The following FRMPD4 variants were observed in gnomAD, a reference collection of about 807,000 sequenced individuals.
FRMPD4 encodes FERM and PDZ domain containing 4.
A neutral mutation model predicts 94.1 loss-of-function variants in FRMPD4; 22 were observed. That is an observed-to-expected ratio of 0.23 (90% confidence interval 0.17 to 0.33). The LOEUF is 0.33. Among genes scored for constraint, FRMPD4 ranks in the 10% least tolerant of loss-of-function variants. The pLI is 1.00. For synonymous variants in FRMPD4, 631 were observed against 548.6 expected (o/e 1.15, Z -2.10); for missense variants, 1,111 against 1,339.9 (o/e 0.83, Z 2.67).
chrX:12,412,869 A>G (rs1416476980), intron 1 of FRMPD4, among the ~76,000 whole-genome samples: 1 of 112,149 alleles, frequency 8.9e-6, no homozygotes, highest in African/African-American at 3.2e-5. Context: ...CAGCTTTTGT[A>G]TCGGGAACAT....
In FRMPD4 at chrX:12,481,966, A is replaced by G. The variant is rs868850470; in HGVS notation, c.42-16714A>G. Among the ~76,000 whole-genome samples the G allele has an allele frequency of 9.3e-3, 930 of 100,042 alleles. 8 individuals carry two copies. The highest frequency in any genetic ancestry group is 0.041 in the Middle Eastern group (8 of 193). The allele number at this position is 100,042 out of a possible 115,157, so 86.9% of individuals were successfully genotyped here. A position where few individuals can be genotyped will look rare whatever the true frequency, so the allele number is the denominator to read the frequency against. On this transcript the variant is annotated intron_variant, in intron 1 of 16. Transcript: ENST00000675598. ...TCAAAAAAAAAAAAAAAAAAAAAAAAAAAAAGAAAGTGTTATTGGATAATC... is the reference window on the plus strand; with the variant it reads ...TCAAAAAAAAAAAAAAAAAAAAAAAGAAAAAGAAAGTGTTATTGGATAATC...
chrX:12,461,960 G>A, intron 1 of FRMPD4, among the ~76,000 whole-genome samples: 1 of 111,663 alleles, frequency 9.0e-6, no homozygotes, highest in Non-Finnish European at 1.9e-5. Context: ...CAGCAACAGA[G>A]GTTTGTTTCT....
intron 1 of FRMPD4, among the ~76,000 whole-genome samples, chrX:12,437,823 C>T (rs2057087396): frequency 8.9e-6 from 1 of 111,935 alleles, no homozygotes; most frequent in South Asian, 3.7e-4. Flanking sequence ...AGTTTATAAA[C>T]GTTAGTCTAT....
chrX:12,679,839 A>G (rs1049567122), intron 5 of FRMPD4, among the ~76,000 whole-genome samples: 4 of 111,133 alleles, frequency 3.6e-5, no homozygotes, highest in Non-Finnish European at 7.5e-5. Flanking sequence ...CGAATGCTTT[A>G]CTGGTTTATT....
chrX:11,983,206 T>G (rs975394528), intron 3 of FRMPD4, among the ~76,000 whole-genome samples: 4 of 112,352 alleles, frequency 3.6e-5, no homozygotes, highest in Admixed American at 9.4e-5. Context: ...ATCCTCTATC[T>G]AACACTAAGG....
intron 1 of FRMPD4, among the ~76,000 whole-genome samples, chrX:12,474,438 G>A (rs2057564348): frequency 9.0e-6 from 1 of 111,409 alleles, no homozygotes; most frequent in Admixed American, 9.5e-5. Context: ...AAAGCTAGCA[G>A]AAGGCAAGAA....
chrX:12,531,552 A>G (rs765718401), intron 2 of FRMPD4, among the ~76,000 whole-genome samples: 1 of 111,631 alleles, frequency 9.0e-6, no homozygotes, highest in Admixed American at 9.5e-5. Context: ...TTGAGATTCC[A>G]CATTTCTAAT....
At chrX:12,100,171 T>G (rs2055242474) in intron 3 of FRMPD4, among the ~76,000 whole-genome samples, 2 of 112,303 alleles carry the variant, frequency 1.8e-5, no homozygotes, top group African/African-American at 6.5e-5. Flanking sequence ...TTGGTGGAAC[T>G]TAGAGTTAGT....
intron 4 of FRMPD4, among the ~76,000 whole-genome samples, chrX:12,625,403 G>A (rs1047275428): frequency 1.2e-4 from 13 of 111,509 alleles, no homozygotes; most frequent in Non-Finnish European, 2.4e-4. Flanking sequence ...TTCATCAATG[G>A]ATGAATGGAT....
chrX:12,467,540 A>G (rs2057462273), intron 1 of FRMPD4, among the ~76,000 whole-genome samples: 1 of 112,421 alleles, frequency 8.9e-6, no homozygotes, highest in Non-Finnish European at 1.9e-5. Flanking sequence ...CATTCTCAAC[A>G]TGATAGTCCA....
intron 2 of FRMPD4, among the ~76,000 whole-genome samples, chrX:12,571,398 G>A (rs1369249449): frequency 8.9e-6 from 1 of 112,484 alleles, no homozygotes; most frequent in African/African-American, 3.2e-5. Context: ...ACACGACAAT[G>A]GCTTAATGGG....
At chrX:12,686,870 T>A (rs370505568) in intron 7 of FRMPD4, among the ~76,000 whole-genome samples, 1 of 111,426 alleles carries the variant, frequency 9.0e-6, no homozygotes, top group Admixed American at 9.5e-5. Context: ...AAGTACAGAG[T>A]CTCTTCCTTT....
At chrX:12,351,324 C>T (rs192698346) in intron 1 of FRMPD4, among the ~76,000 whole-genome samples, 202 of 110,644 alleles carry the variant, frequency 1.8e-3, no homozygotes, top group Non-Finnish European at 2.8e-3. Context: ...AGCCCCCTGC[C>T]CCCCCATTAA....
At chrX:12,007,807 A>G (rs1526792) in intron 3 of FRMPD4, among the ~76,000 whole-genome samples, 7,269 of 112,186 alleles carry the variant, frequency 0.065, 260 homozygotes, top group East Asian at 0.24. Context: ...ATCCCCACTT[A>G]GGTGACATAA....
chrX:12,098,462 A>G (rs1411721694), intron 3 of FRMPD4, among the ~76,000 whole-genome samples: 1 of 112,443 alleles, frequency 8.9e-6, no homozygotes. Flanking sequence ...AGGTGAGGCT[A>G]TGAGTGGCCT....
intron 3 of FRMPD4, among the ~76,000 whole-genome samples, chrX:11,882,977 GT>G (rs2053822227): frequency 9.0e-6 from 1 of 111,524 alleles, no homozygotes; most frequent in African/African-American, 3.3e-5. Flanking sequence ...TCCTGGGGAG[GT>G]CCCTGCATTC....
chrX:11,932,249 C>A (rs1215340840), intron 3 of FRMPD4, among the ~76,000 whole-genome samples: 3 of 111,755 alleles, frequency 2.7e-5, no homozygotes, highest in Admixed American at 1.9e-4. Flanking sequence ...GAAAGATGAG[C>A]TACTCACTTA....
chrX:11,862,411 A>G (rs774248736), intron 1 of FRMPD4, among the ~76,000 whole-genome samples: 18 of 111,520 alleles, frequency 1.6e-4, no homozygotes, highest in African/African-American at 4.9e-4. Context: ...TTACACATGG[A>G]TTAGGCAGAG....
At chrX:12,331,707 AT>A (rs1569234076) in intron 1 of FRMPD4, among the ~76,000 whole-genome samples, 5 of 47,097 alleles carry the variant, frequency 1.1e-4, no homozygotes, top group African/African-American at 2.1e-4. Flanking sequence ...TAAATATATA[AT>A]ATATAATTTA....
Sources: gnomAD v4.1 joint callset for allele counts (sites outside exome capture counted in the v4.1 genomes callset) on GRCh38, gnomAD v4.1.1 for gene constraint, MANE v1.5 for transcripts, NCBI Gene and HGNC (gene_info 2026-07-23, HGNC 2026-07-21) for gene names.